The following FRMPD4 variants were observed in gnomAD, a reference collection of about 807,000 sequenced individuals.
FRMPD4 encodes FERM and PDZ domain-containing protein 4.
Under a neutral mutation model 94.1 loss-of-function variants are expected in FRMPD4, and 22 were observed. That is an observed-to-expected ratio of 0.23 (90% confidence interval 0.17 to 0.33). The LOEUF is 0.33. FRMPD4 is among the 10% of genes least tolerant of loss of function. The probability of loss-of-function intolerance (pLI) is 1.00; values close to 1 mark genes in which losing one functional copy is unlikely to be tolerated. For missense variants in FRMPD4, 1,111 were observed against 1,339.9 expected (o/e 0.83, Z 2.67); for synonymous variants, 631 against 548.6 (o/e 1.15, Z -2.10).
chrX:12,470,729 C>T (rs1476720795), intron 1 of FRMPD4, among the ~76,000 whole-genome samples: 2 of 111,641 alleles, frequency 1.8e-5, no homozygotes, highest in East Asian at 5.6e-4. Context: ...TTTATATTTT[C>T]CTGAGACCCT....
intron 3 of FRMPD4, among the ~76,000 whole-genome samples, chrX:12,066,828 TAA>T (rs797005075): frequency 1.0e-5 from 1 of 100,129 alleles, no homozygotes. Context: ...TCCAAATACC[TAA>T]AAAAAAAAAC....
intron 1 of FRMPD4, among the ~76,000 whole-genome samples, chrX:12,331,592 CAT>C (rs761124465): frequency 8.1e-5 from 6 of 74,527 alleles, no homozygotes; most frequent in African/African-American, 2.0e-4. Context: ...TGAAACGAAT[CAT>C]ATATATATAT....
chrX:12,605,475 C>T (rs7885606), intron 2 of FRMPD4, among the ~76,000 whole-genome samples: 57,768 of 110,370 alleles, frequency 0.52, 12,435 homozygotes, highest in Non-Finnish European at 0.69. Context: ...TGTAATGGCC[C>T]CTGAAATGCT....
intron 1 of FRMPD4, among the ~76,000 whole-genome samples, chrX:12,178,211 G>C (rs2056317528): frequency 9.0e-6 from 1 of 111,628 alleles, no homozygotes; most frequent in Non-Finnish European, 1.9e-5. Flanking sequence ...GCCCTCACTA[G>C]ACATCAAATC....
intron 1 of FRMPD4, among the ~76,000 whole-genome samples, chrX:12,479,474 G>GTATATACATATATATACGTATATATTA (rs2057654318): frequency 1.1e-5 from 1 of 94,645 alleles, no homozygotes; most frequent in Non-Finnish European, 2.0e-5. Flanking sequence ...GTATATATAT[G>GTATATACATATATATACGTATATATTA]TATATACATA....
intron 1 of FRMPD4, among the ~76,000 whole-genome samples, chrX:12,148,894 CA>C (rs1305633616): frequency 1.8e-5 from 2 of 112,182 alleles, no homozygotes; most frequent in African/African-American, 6.5e-5. Flanking sequence ...CATCTGTTTA[CA>C]GCATGGTTTA....
intron 3 of FRMPD4, among the ~76,000 whole-genome samples, chrX:12,088,715 T>C (rs2055130772): frequency 8.9e-6 from 1 of 112,397 alleles, no homozygotes; most frequent in African/African-American, 3.2e-5. Flanking sequence ...GTTACTTACA[T>C]ACTATGTATA....
intron 1 of FRMPD4, among the ~76,000 whole-genome samples, chrX:12,454,892 G>T (rs1439614763): frequency 9.3e-6 from 1 of 107,537 alleles, no homozygotes; most frequent in African/African-American, 3.4e-5. Context: ...TTTCAGTGAG[G>T]TATCACTAAG....
chrX:12,644,836 A>G (rs2059533147), intron 4 of FRMPD4, among the ~76,000 whole-genome samples: 2 of 112,022 alleles, frequency 1.8e-5, no homozygotes, highest in Non-Finnish European at 3.8e-5. Context: ...GAAGCCTTTT[A>G]TTTCCACTTC....
intron 3 of FRMPD4, among the ~76,000 whole-genome samples, chrX:12,122,014 A>G (rs1274780132): frequency 1.8e-5 from 2 of 111,898 alleles, no homozygotes; most frequent in African/African-American, 6.5e-5. Context: ...ATTGAATCTC[A>G]CCACACATTT....
intron 4 of FRMPD4, among the ~76,000 whole-genome samples, 182 bp from the exon 5 acceptor site, chrX:12,674,681 C>T (rs180884938): frequency 7.4e-4 from 83 of 112,035 alleles, no homozygotes; most frequent in Non-Finnish European, 1.2e-3. Flanking sequence ...ACTCAGGAAA[C>T]GCTTCATTTT....
chrX:12,072,644 C>T (rs1447246728), intron 3 of FRMPD4, among the ~76,000 whole-genome samples: 2 of 111,375 alleles, frequency 1.8e-5, no homozygotes, highest in Non-Finnish European at 3.8e-5. Flanking sequence ...AAAATGTGGA[C>T]AATAGACTTA....
At chrX:12,550,382 A>G (rs1436463944) in intron 2 of FRMPD4, among the ~76,000 whole-genome samples, 3 of 111,133 alleles carry the variant, frequency 2.7e-5, no homozygotes, top group African/African-American at 9.8e-5. Context: ...TTGGACTGAC[A>G]TCATAATGAC....
rs2057689524 is a variant in FRMPD4 at position 12,481,950 on chromosome X, A to AAAAAAAAAAAAAAAAT, written c.42-16715_42-16714insTAAAAAAAAAAAAAAA. On this transcript the variant is annotated intron_variant, in intron 1 of 16. Coordinates refer to ENST00000675598, the MANE Select transcript of FRMPD4 (RefSeq NM_001368397.1). ...AGAGCAAGACTACATCTCAAAAAAA[A>AAAAAAAAAAAAAAAAT]AAAAAAAAAAAAAAAAAAAAAGAAA... is the stretch of plus-strand genomic sequence containing the variant. 6.8e-5 allele frequency among the ~76,000 whole-genome samples: 6 copies of AAAAAAAAAAAAAAAAT among 88,366 alleles called. 1 individual carries two copies. The highest frequency in any genetic ancestry group is 2.5e-4 in the Admixed American group (2 of 8,097). 76.7% of individuals were successfully genotyped at this position (88,366 alleles called of 115,157 possible). A position where few individuals can be genotyped will look rare whatever the true frequency, so the allele number is the denominator to read the frequency against.
At chrX:12,278,418 G>C (rs1345999398) in intron 1 of FRMPD4, among the ~76,000 whole-genome samples, 1 of 112,102 alleles carries the variant, frequency 8.9e-6, no homozygotes, top group African/African-American at 3.2e-5. Context: ...GGGCAAAGCA[G>C]ATTCCACCTA....
chrX:12,698,614 T>C (rs2060157553), intron 9 of FRMPD4, among the ~76,000 whole-genome samples: 2 of 109,081 alleles, frequency 1.8e-5, no homozygotes, highest in Admixed American at 1.9e-4. Context: ...TAGTACCAAA[T>C]ATATATATAT....
At chrX:12,443,558 C>T (rs986133272) in intron 1 of FRMPD4, among the ~76,000 whole-genome samples, 28 of 111,217 alleles carry the variant, frequency 2.5e-4, no homozygotes, top group East Asian at 8.4e-4. Flanking sequence ...TAGTAGAGGG[C>T]GTGGGTCTAA....
intron 1 of FRMPD4, among the ~76,000 whole-genome samples, chrX:12,155,763 C>A (rs950922578): frequency 6.3e-5 from 7 of 110,688 alleles, no homozygotes; most frequent in Non-Finnish European, 1.1e-4. Flanking sequence ...CTAAACCTAC[C>A]CAGTGAGAGG....
intron 1 of FRMPD4, among the ~76,000 whole-genome samples, chrX:12,299,049 G>A (rs1360391926): frequency 8.9e-6 from 1 of 112,098 alleles, no homozygotes; most frequent in East Asian, 2.8e-4. Context: ...ATAAATGTCA[G>A]AAGACTCAGT....
Sources: gnomAD v4.1 joint callset for allele counts (sites outside exome capture counted in the v4.1 genomes callset) on GRCh38, gnomAD v4.1.1 for gene constraint, MANE v1.5 for transcripts, NCBI Gene and HGNC (gene_info 2026-07-23, HGNC 2026-07-21) for gene names.